The following LRRC49 variants were observed in gnomAD, a reference collection of about 807,000 sequenced individuals.
The protein encoded by LRRC49 is leucine rich repeat containing 49, also known as leucine-rich repeat-containing protein 49.
In LRRC49, 50 loss-of-function variants were observed where a neutral mutation model predicts 83.3. The observed-to-expected ratio is 0.60, with a 90% CI of 0.48 to 0.76. The LOEUF is 0.76. Ranked by LOEUF, LRRC49 falls within the 30% of genes least tolerant of loss-of-function variation. LRRC49 has a pLI of 0.00. For missense variants in LRRC49, 704 were observed against 809.1 expected, an observed-to-expected ratio of 0.87 and a Z score of 1.58; for synonymous variants, 286 against 283.3, an observed-to-expected ratio of 1.01 and a Z score of -0.10.
At chr15:70,970,772 A>G (rs1447089204) in intron 9 of LRRC49, among the ~76,000 whole-genome samples, 1 of 152,174 alleles carries the variant, frequency 6.6e-6, no homozygotes, top group Non-Finnish European at 1.5e-5. Flanking sequence ...TTATTTGCAT[A>G]GAGGTGTTTA....
intron 5 of LRRC49, among the ~76,000 whole-genome samples, chr15:70,909,729 C>T (rs1461718022): frequency 6.6e-6 from 1 of 151,876 alleles, no homozygotes; most frequent in Non-Finnish European, 1.5e-5. Flanking sequence ...GTCCCAGCTA[C>T]TCGAGAGGCT....
intron 15 of LRRC49, among the ~76,000 whole-genome samples, chr15:71,045,064 T>G (rs376015691): frequency 7.9e-5 from 12 of 151,522 alleles, no homozygotes; most frequent in Admixed American, 3.9e-4. Flanking sequence ...CTAATTTTTT[T>G]TGTGTTTTTT....
At chr15:70,957,315 C>G (rs2036438047) in intron 8 of LRRC49, among the ~76,000 whole-genome samples, 1 of 152,128 alleles carries the variant, frequency 6.6e-6, no homozygotes, top group Non-Finnish European at 1.5e-5. Flanking sequence ...TAGAATCTAT[C>G]TATAATAAAA....
At chr15:70,883,073 T>C (rs1402910726) in intron 2 of LRRC49, among the ~76,000 whole-genome samples, 1 of 152,250 alleles carries the variant, frequency 6.6e-6, no homozygotes, top group Non-Finnish European at 1.5e-5. Context: ...CAACCTTTTA[T>C]GAATTCTGCC....
chr15:70,856,833 AT>A (rs1341453532), intron 1 of LRRC49, among the ~76,000 whole-genome samples: 1 of 152,122 alleles, frequency 6.6e-6, no homozygotes, highest in Non-Finnish European at 1.5e-5. Context: ...ATTTGCTTTG[AT>A]TAGTCCTACC....
At chr15:71,003,667 T>G (rs2038346022) in intron 11 of LRRC49, among the ~76,000 whole-genome samples, 1 of 152,204 alleles carries the variant, frequency 6.6e-6, no homozygotes. Context: ...AGGCATAGTT[T>G]AGAATATTTT....
intron 15 of LRRC49, among the ~76,000 whole-genome samples, chr15:71,038,702 A>G (rs1392934894): frequency 6.6e-6 from 1 of 152,182 alleles, no homozygotes; most frequent in African/African-American, 2.4e-5. Flanking sequence ...TCTTACTGAT[A>G]TTAAGCTTAA....
At chr15:70,924,998 T>G (rs2035143594) in intron 7 of LRRC49, among the ~76,000 whole-genome samples, 1 of 152,040 alleles carries the variant, frequency 6.6e-6, no homozygotes, top group South Asian at 2.1e-4. Flanking sequence ...TTTGAAGTCC[T>G]TCAGATTTAC....
intron 15 of LRRC49, among the ~76,000 whole-genome samples, chr15:71,049,077 T>C (rs541324373): frequency 6.6e-6 from 1 of 152,226 alleles, no homozygotes; most frequent in African/African-American, 2.4e-5. Flanking sequence ...TGAGTCTGCA[T>C]TCAGCTGACT....
chr15:70,998,708 T>G (rs899958308), intron 11 of LRRC49, among the ~76,000 whole-genome samples: 24 of 152,132 alleles, frequency 1.6e-4, no homozygotes, highest in Non-Finnish European at 2.9e-4. Flanking sequence ...TTGGATATGT[T>G]GTTTTATGTC....
intron 4 of LRRC49, among the ~76,000 whole-genome samples, chr15:70,902,914 T>G (rs1477054461): frequency 2.0e-5 from 3 of 152,160 alleles, no homozygotes; most frequent in African/African-American, 7.2e-5. Context: ...CTTGTTTTGT[T>G]GGAGTGACAG....
intron 11 of LRRC49, among the ~76,000 whole-genome samples, chr15:71,004,660 A>AAAAG (rs568911047): frequency 5.9e-5 from 9 of 151,974 alleles, no homozygotes; most frequent in Non-Finnish European, 1.3e-4. Context: ...AAAAAAAAAA[A>AAAAG]AAAGAAAGAA....
intron 14 of LRRC49, among the ~76,000 whole-genome samples, chr15:71,027,456 G>A (rs1186553767): frequency 6.6e-6 from 1 of 152,092 alleles, no homozygotes; most frequent in African/African-American, 2.4e-5. Flanking sequence ...GAAATTTAAA[G>A]TACTTTTATC....
At chr15:70,936,621 C>G (rs535675343) in intron 7 of LRRC49, 140 bp from the exon 8 acceptor site, 1 of 613,262 alleles carries the variant, frequency 1.6e-6, no homozygotes, top group East Asian at 2.8e-5. Flanking sequence ...GAGAGTGGAG[C>G]TCACTGTCCA....
At chr15:71,025,595 G>C (rs756070955) in intron 14 of LRRC49, among the ~76,000 whole-genome samples, 1 of 151,974 alleles carries the variant, frequency 6.6e-6, no homozygotes, top group Non-Finnish European at 1.5e-5. Flanking sequence ...AGACCCATCG[G>C]TGTGCTGTAT....
Position 71,045,690 on chromosome 15 carries a change from CTTTAT to C in LRRC49, c.1858-3705_1858-3701del, listed in dbSNP as rs952527371. Among the ~76,000 whole-genome samples, 17 of 151,948 alleles carry C rather than the reference CTTTAT, an allele frequency of 1.1e-4. No individual in the cohort carries two copies. The East Asian group carries it at 1.7e-3, about 16-fold the overall frequency. On this transcript the variant is annotated intron_variant, in intron 15 of 15. Transcript: ENST00000260382. Reference sequence around the variant, plus strand: ...TTAAGCATTTTTTCTTATTATGAATCTTTATTTTATTTTATTTTTAAATATTTCAC... The same window carrying C: ...TTAAGCATTTTTTCTTATTATGAATCTTTATTTTATTTTTAAATATTTCAC...
intron 1 of LRRC49, chr15:70,854,229 CCCGCCCCGCG>C: frequency 2.2e-6 from 1 of 452,712 alleles, no homozygotes. Context: ...GTCGCGGCGC[CCCGCCCCGCG>C]CCGCCGCCGC....
At chr15:70,917,175 G>A (rs1368895871) in intron 6 of LRRC49, among the ~76,000 whole-genome samples, 1 of 152,198 alleles carries the variant, frequency 6.6e-6, no homozygotes, top group Non-Finnish European at 1.5e-5. Context: ...GCAGCTAGGT[G>A]CTGGCCTGCA....
At chr15:70,902,732 C>A (rs1365098110) in intron 4 of LRRC49, among the ~76,000 whole-genome samples, 1 of 152,070 alleles carries the variant, frequency 6.6e-6, no homozygotes, top group Non-Finnish European at 1.5e-5. Flanking sequence ...TTAGGTTAGG[C>A]CTGGAGTACC....
Sources: allele counts gnomAD v4.1 joint callset (sites outside exome capture counted in the v4.1 genomes callset), GRCh38; gene constraint gnomAD v4.1.1; transcripts MANE v1.5; gene names NCBI Gene and HGNC (gene_info 2026-07-23, HGNC 2026-07-21).